CHLSN: variants seen among roughly 807,000 people sequenced by gnomAD.
CHLSN encodes the protein protein cholesin.
the CHLSN span, among the ~76,000 whole-genome samples, chr7:1,067,269 C>T: frequency 7.9e-6 from 1 of 127,288 alleles, no homozygotes; most frequent in Non-Finnish European, 1.7e-5. Context: ...GGCTGGAGTA[C>T]ACCCAGAGGT....
At chr7:1,043,902 T>C in the CHLSN span, 2 of 152,276 alleles carry the variant, frequency 1.3e-5, no homozygotes, top group Non-Finnish European at 2.9e-5. Flanking sequence ...GAAATGTTCT[T>C]AGATCCTGAA....
the CHLSN span, chr7:1,000,616 T>G: frequency 7.4e-7 from 1 of 1,346,456 alleles, no homozygotes; most frequent in Non-Finnish European, 1.0e-6. Context: ...CTGTCTGCCC[T>G]GAGAGATCGG....
the CHLSN span, chr7:1,091,919 T>C: frequency 5.6e-6 from 9 of 1,614,058 alleles, no homozygotes; most frequent in Non-Finnish European, 6.8e-6. Context: ...CTCTCGTGCC[T>C]CTACACCATC....
the CHLSN span, among the ~76,000 whole-genome samples, chr7:1,118,944 A>T: frequency 6.6e-6 from 1 of 152,012 alleles, no homozygotes; most frequent in East Asian, 1.9e-4. Context: ...GAATACTATG[A>T]GACTCTTAAA....
the CHLSN span, among the ~76,000 whole-genome samples, chr7:1,108,348 C>A: frequency 1.3e-5 from 1 of 79,688 alleles, no homozygotes; most frequent in Non-Finnish European, 2.6e-5. Flanking sequence ...CAGAGGGGGG[C>A]TGTGTCCCGC....
chr7:1,000,592 A>G, the CHLSN span: 2 of 1,521,712 alleles, frequency 1.3e-6, no homozygotes, highest in Admixed American at 3.7e-5. Flanking sequence ...GCTGGGCAAA[A>G]GACTCCCGGG....
the CHLSN span, among the ~76,000 whole-genome samples, chr7:980,278 C>A: frequency 2.4e-4 from 35 of 144,250 alleles, no homozygotes; most frequent in South Asian, 5.0e-4. Context: ...GCCAGCCAAT[C>A]ACAGCACTGC....
At chr7:983,922 A>C in the CHLSN span, among the ~76,000 whole-genome samples, 1 of 152,208 alleles carries the variant, frequency 6.6e-6, no homozygotes, top group African/African-American at 2.4e-5. Context: ...TCGCTCAGGC[A>C]GGCAGGGTCA....
the CHLSN span, chr7:1,091,925 C>A: frequency 6.2e-7 from 1 of 1,614,024 alleles, no homozygotes; most frequent in South Asian, 1.1e-5. Context: ...TGCCTCTACA[C>A]CATCTTCCTC....
the CHLSN span, chr7:1,091,613 C>A: frequency 6.9e-6 from 6 of 871,952 alleles, no homozygotes; most frequent in African/African-American, 8.4e-5. Flanking sequence ...TCCTGTCTGA[C>A]AAATGCCAGG....
the CHLSN span, among the ~76,000 whole-genome samples, chr7:1,002,796 GT>G: frequency 2.4e-5 from 2 of 81,772 alleles, no homozygotes; most frequent in Non-Finnish European, 5.1e-5. Context: ...CTGTGGGTGA[GT>G]GGAGTCCTGT....
At chr7:1,024,435 G>A in the CHLSN span, 4 of 152,256 alleles carry the variant, frequency 2.6e-5, no homozygotes, top group Non-Finnish European at 5.9e-5. Context: ...GGACAGGAGA[G>A]ACGCAGGAGC....
chr7:984,293 C>T, the CHLSN span: 1 of 1,347,470 alleles, frequency 7.4e-7, no homozygotes, highest in Admixed American at 2.6e-5. Flanking sequence ...CGTGCCCCCT[C>T]CACCTGCCCC....
chr7:1,085,714 G>C, the CHLSN span, among the ~76,000 whole-genome samples: 1 of 151,164 alleles, frequency 6.6e-6, no homozygotes, highest in South Asian at 2.1e-4. Context: ...CGCATCTGTA[G>C]TCCCAGCTAC....
chr7:988,413 C>T, the CHLSN span: 2 of 1,612,594 alleles, frequency 1.2e-6, no homozygotes, highest in Non-Finnish European at 1.7e-6. Context: ...CTGCCTTTCT[C>T]TGCAGGTCAG....
the CHLSN span, among the ~76,000 whole-genome samples, chr7:1,108,927 C>A: frequency 4.2e-5 from 6 of 143,234 alleles, no homozygotes; most frequent in South Asian, 1.1e-3. Context: ...GACGGAGTCT[C>A]GCTCTGTCGC....
the CHLSN span, among the ~76,000 whole-genome samples, chr7:1,007,656 T>G: frequency 6.6e-6 from 1 of 152,146 alleles, no homozygotes; most frequent in African/African-American, 2.4e-5. Context: ...TGGAAGAAGC[T>G]CCTGTGGGAA....
chr7:1,031,016 C>T, the CHLSN span, among the ~76,000 whole-genome samples: 1 of 152,188 alleles, frequency 6.6e-6, no homozygotes, highest in African/African-American at 2.4e-5. Context: ...CAGGAGGGAG[C>T]CCTCCCACTG....
the CHLSN span, among the ~76,000 whole-genome samples, chr7:1,099,549 G>A: frequency 2.0e-5 from 3 of 152,332 alleles, no homozygotes; most frequent in African/African-American, 7.2e-5. Context: ...TCTTCTCCAC[G>A]GTGGGAAACT....
Sources: allele counts gnomAD v4.1 joint callset (sites outside exome capture counted in the v4.1 genomes callset), GRCh38; gene constraint gnomAD v4.1.1; transcripts MANE v1.5; gene names NCBI Gene and HGNC (gene_info 2026-07-23, HGNC 2026-07-21).